NFILZ: variants seen among roughly 807,000 people sequenced by gnomAD.
The protein encoded by NFILZ is NFIL3 like protein.
intron 3 of NFILZ, among the ~76,000 whole-genome samples, chr19:8,640,322 T>G (rs1349947033): frequency 6.6e-6 from 1 of 150,646 alleles, no homozygotes; most frequent in Admixed American, 6.6e-5. Flanking sequence ...TGTAGTTTTT[T>G]TTTTTTTTTT....
At chr19:8,631,830 T>TTG (rs71179868) in intron 1 of NFILZ, among the ~76,000 whole-genome samples, 2,749 of 145,922 alleles carry the variant, frequency 0.019, 27 homozygotes, top group Non-Finnish European at 0.022. Context: ...GTCCTCGCTT[T>TTG]TGTGTGTGTG....
At chr19:8,641,248 C>T (rs2042917908) in intron 3 of NFILZ, among the ~76,000 whole-genome samples, 1 of 151,678 alleles carries the variant, frequency 6.6e-6, no homozygotes, top group Non-Finnish European at 1.5e-5. Context: ...GATGGGGTCT[C>T]CTTATGTTGC....
intron 3 of NFILZ, among the ~76,000 whole-genome samples, chr19:8,663,728 G>GTGTGTGTGTATGTGTGTGTA (rs1555749438): frequency 1.1e-4 from 8 of 74,300 alleles, no homozygotes; most frequent in Admixed American, 3.2e-4. Flanking sequence ...GTGTTTGTGT[G>GTGTGTGTGTATGTGTGTGTA]TGTGTGTGTG....
chr19:8,664,992 C>T (rs2043055198), intron 3 of NFILZ, among the ~76,000 whole-genome samples: 1 of 152,126 alleles, frequency 6.6e-6, no homozygotes, highest in Admixed American at 6.6e-5. Context: ...GCACCTTCAT[C>T]CCTCTCTCTG....
At chr19:8,668,621 T>G (rs1056079698) in intron 3 of NFILZ, among the ~76,000 whole-genome samples, 1 of 152,192 alleles carries the variant, frequency 6.6e-6, no homozygotes, top group African/African-American at 2.4e-5. Flanking sequence ...TTATCTTCTT[T>G]AGGTTATTTC....
chr19:8,632,034 A>T (rs2146131675), intron 1 of NFILZ, among the ~76,000 whole-genome samples: 1 of 151,948 alleles, frequency 6.6e-6, no homozygotes, highest in Non-Finnish European at 1.5e-5. Context: ...ACACTCGGCT[A>T]ATTTTTGTAC....
chr19:8,662,351 G>A (rs1339140234), intron 3 of NFILZ, among the ~76,000 whole-genome samples: 1 of 152,102 alleles, frequency 6.6e-6, no homozygotes, highest in African/African-American at 2.4e-5. Context: ...GGGGTCAGGG[G>A]AGGCTTGCTG....
At chr19:8,656,469 C>T (rs1284119869) in intron 3 of NFILZ, among the ~76,000 whole-genome samples, 3 of 68,940 alleles carry the variant, frequency 4.4e-5, no homozygotes, top group African/African-American at 6.4e-5. Flanking sequence ...TCTCTGAAGC[C>T]CACCTTCTCC....
chr19:8,650,110 G>A lies in NFILZ; in HGVS notation c.-164+14364G>A, dbSNP rs966182792. On this transcript the variant is annotated intron_variant, in intron 3 of 5. Coordinates refer to ENST00000691075, the MANE Select transcript of NFILZ (RefSeq NM_001378600.1). The stretch of plus-strand genomic sequence containing the variant: ...AGCCTGGCCAGCTGAGCAAGACTCC[G>A]TCTGAAAAAAAAAAAATTGGTTCCA... Among the ~76,000 whole-genome samples the A allele has an allele frequency of 4.0e-4, 60 of 149,336 alleles. 1 individual carries two copies. The highest frequency in any genetic ancestry group is 7.8e-4 in the East Asian group (4 of 5,114).
At chr19:8,657,664 T>C (rs1281513720) in intron 3 of NFILZ, among the ~76,000 whole-genome samples, 2 of 152,164 alleles carry the variant, frequency 1.3e-5, no homozygotes, top group Non-Finnish European at 2.9e-5. Context: ...TACCTCTTTC[T>C]CTGTCCCTCC....
chr19:8,641,054 T>C (rs992032272), intron 3 of NFILZ, among the ~76,000 whole-genome samples: 3 of 152,198 alleles, frequency 2.0e-5, no homozygotes, highest in Non-Finnish European at 2.9e-5. Flanking sequence ...TTTGTAATTG[T>C]AGCATTTGGT....
At chr19:8,649,139 T>G (rs1343248820) in intron 3 of NFILZ, among the ~76,000 whole-genome samples, 1 of 151,368 alleles carries the variant, frequency 6.6e-6, no homozygotes, top group South Asian at 2.1e-4. Flanking sequence ...ACTTTCGTAT[T>G]TTTTTTTGGA....
chr19:8,669,280 C>T (rs1220728292), intron 3 of NFILZ, among the ~76,000 whole-genome samples: 4 of 152,098 alleles, frequency 2.6e-5, no homozygotes, highest in Non-Finnish European at 5.9e-5. Context: ...TGAAAAATAG[C>T]TATGTGGGTT....
In NFILZ at chr19:8,660,680, C is replaced by T. The variant is rs2043026275; in HGVS notation, c.-163-13871C>T. ...AAGATGGAGTTTTGCTCTTGTTGCCCAGGTTGGAGTTCGATGGTGCAGTCT... is the reference window on the plus strand; with the variant it reads ...AAGATGGAGTTTTGCTCTTGTTGCCTAGGTTGGAGTTCGATGGTGCAGTCT... On this transcript the variant is annotated intron_variant, in intron 3 of 5. Coordinates refer to ENST00000691075, the MANE Select transcript of NFILZ (RefSeq NM_001378600.1). Among the ~76,000 whole-genome samples the T allele has an allele frequency of 2.8e-5, 4 of 140,942 alleles. No homozygotes were observed. In the South Asian group the frequency reaches 9.8e-4, roughly 34 times the overall value. The allele number at this position is 140,942 out of a possible 152,430, so 92.5% of individuals were successfully genotyped here.
Position 8,680,212 on chromosome 19 carries a change from AAAG to A in NFILZ, c.*2578_*2580del, listed in dbSNP as rs1225415294. 7.3e-3 allele frequency among the ~76,000 whole-genome samples: 986 copies of A among 134,878 alleles called. 63 individuals carry two copies. The highest frequency in any genetic ancestry group is 0.026 in the African/African-American group (821 of 31,172). 88.5% of individuals were successfully genotyped at this position (134,878 alleles called of 152,430 possible). ...CTCCATCTGAAAAAAAAAAAAAAAA[AAAG>A]GAAAAAGAAAAAATCCTGTTTCCCT... On this transcript the variant is annotated 3_prime_UTR_variant, in exon 6 of 6. Coordinates refer to ENST00000691075, the MANE Select transcript of NFILZ (RefSeq NM_001378600.1).
At chr19:8,656,444 TCGAA>T (rs2043000930) in intron 3 of NFILZ, among the ~76,000 whole-genome samples, 5 of 40,260 alleles carry the variant, frequency 1.2e-4, no homozygotes, top group Admixed American at 5.4e-4. Flanking sequence ...CACCTTCTCC[TCGAA>T]GCCCACCTTC....
rs1445695361 is a variant in NFILZ, at chr19:8,677,061, C to T, written c.296C>T (p.Pro99Leu). 1.3e-5 allele frequency: 2 copies of T among 152,798 alleles called. No homozygotes were observed. Among genetic ancestry groups the T allele is most frequent in the Non-Finnish European group, 2.9e-5 (2 of 68,478 alleles). The allele number at this position is 152,798 out of a possible 1,614,324, so 9.5% of individuals were successfully genotyped here. The change falls in exon 6 of 6, where the codon CCC becomes CTC. Residue 99 changes from proline to leucine, a missense_variant. Physicochemically the swap from Pro to Leu is moderately conservative, Grantham distance 98 (BLOSUM62 -3). Coordinates refer to ENST00000691075, the MANE Select transcript of NFILZ (RefSeq NM_001378600.1). The part of the protein sequence containing the change: ...KALKLRFGLL[P>L]LTGGPRALPL... ...CTCAAGCTTCGCTTTGGCCTCCTGC[C>T]CCTGACTGGTGGGCCCCGGGCCTTG...
intron 2 of NFILZ, among the ~76,000 whole-genome samples, chr19:8,634,176 T>C (rs1259909945): frequency 6.6e-6 from 1 of 151,996 alleles, no homozygotes; most frequent in Admixed American, 6.6e-5. Context: ...TTTTGTATCT[T>C]TGGTAGAGAA....
rs1050063816 is a variant in NFILZ, at chr19:8,677,974, A to C, written c.*339A>C. ...TTCATCCTCATTTATTCATCCATTC[A>C]TTCATTCATCAATCCTTATCCATCC... On this transcript the variant is annotated 3_prime_UTR_variant, in exon 6 of 6. Transcript: ENST00000691075. Among the ~76,000 whole-genome samples the C allele has an allele frequency of 4.6e-5, 7 of 151,272 alleles. No homozygotes were observed. The highest frequency in any genetic ancestry group is 1.7e-4 in the African/African-American group (7 of 41,054).
Sources: allele counts gnomAD v4.1 joint callset (sites outside exome capture counted in the v4.1 genomes callset), GRCh38; gene constraint gnomAD v4.1.1; transcripts MANE v1.5; gene names NCBI Gene and HGNC (gene_info 2026-07-23, HGNC 2026-07-21).